SHOC2: variants seen among roughly 807,000 people sequenced by gnomAD.
SHOC2 encodes leucine-rich repeat protein SHOC-2.
Under a neutral mutation model 50.2 loss-of-function variants are expected in SHOC2, and 4 were observed. The observed-to-expected ratio is 0.08, with a 90% CI of 0.04 to 0.18. SHOC2 has a LOEUF of 0.18. SHOC2 is among the 10% of genes least tolerant of loss of function. The pLI is 1.00. For synonymous variants in SHOC2, 218 were observed against 244.5 expected, an observed-to-expected ratio of 0.89 and a Z score of 1.01; for missense variants, 388 against 669.6, an observed-to-expected ratio of 0.58 and a Z score of 4.64.
At chr10:110,919,431 C>T (rs1246518001), upstream of SHOC2, 3 of 393,588 alleles carry the variant, frequency 7.6e-6, no homozygotes, top group Admixed American at 4.4e-5. Context: ...TGGGCAGCTT[C>T]TCTTGCCCCG....
chr10:110,938,978 C>G (rs1206309845), intron 1 of SHOC2, among the ~76,000 whole-genome samples: 1 of 152,094 alleles, frequency 6.6e-6, no homozygotes, highest in African/African-American at 2.4e-5. Context: ...CATTGATTTT[C>G]CAGACTAAAA....
intron 1 of SHOC2, among the ~76,000 whole-genome samples, chr10:110,928,852 G>T (rs1487724035): frequency 6.6e-6 from 1 of 151,998 alleles, no homozygotes; most frequent in African/African-American, 2.4e-5. Flanking sequence ...CCTAGATCTT[G>T]CCACTGTACT....
At chr10:110,928,240 C>T (rs372388009) in intron 1 of SHOC2, among the ~76,000 whole-genome samples, 2 of 152,000 alleles carry the variant, frequency 1.3e-5, no homozygotes, top group African/African-American at 4.8e-5. Flanking sequence ...TCGCTTGAAC[C>T]TGAGGGGCAG....
At chr10:110,941,587 C>T (rs868279763) in intron 1 of SHOC2, among the ~76,000 whole-genome samples, 35 of 152,302 alleles carry the variant, frequency 2.3e-4, no homozygotes, top group Middle Eastern at 3.4e-3. Flanking sequence ...CTGCCTCAGC[C>T]TCCCAAAGTG....
At position 110,963,243 on chromosome 10, in the gene SHOC2, T is replaced by G. The variant is rs79916981; in HGVS notation, c.-234-882T>G. Among the ~76,000 whole-genome samples, 35 of 152,338 alleles carry G rather than the reference T, an allele frequency of 2.3e-4. 1 individual carries two copies. Among genetic ancestry groups the G allele is most frequent in the African/African-American group, 7.7e-4 (32 of 41,592 alleles). ...TCCTTCCATAAATATTTTACTAATC[T>G]TTTTGTCCTTTGCCAATCTTTTCGG... On this transcript the variant is annotated intron_variant, in intron 1 of 8. Coordinates refer to ENST00000369452, the MANE Select transcript of SHOC2 (RefSeq NM_007373.4).
At chr10:110,926,639 A>G (rs1367573212) in intron 1 of SHOC2, among the ~76,000 whole-genome samples, 2 of 152,248 alleles carry the variant, frequency 1.3e-5, no homozygotes, top group Admixed American at 6.5e-5. Flanking sequence ...ACATGCGTAG[A>G]ATCTTTCAAG....
In SHOC2 at chr10:111,011,584, AAAAAATT is replaced by A; in HGVS notation, c.1541-25_1541-19del. The A allele has an allele frequency of 6.3e-7, 1 of 1,583,504 alleles. No homozygotes were observed. Among genetic ancestry groups the A allele is most frequent in the Non-Finnish European group, 8.7e-7 (1 of 1,154,220 alleles). On this transcript the variant is annotated intron_variant, in intron 8 of 8. Coordinates refer to ENST00000369452, the MANE Select transcript of SHOC2 (RefSeq NM_007373.4). ...TTTAAAATAGCAACTAATTTTTAAA[AAAAAATT>A]GATTTTTTTTTTAAACAGGTACACT...
At position 111,013,141 on chromosome 10, in the gene SHOC2, C is replaced by T. The variant is rs371721188; in HGVS notation, c.*1323C>T. ...TAAGATGTGCATGTACTATTTGATGCGTTTTCTTTGCTTCACTGCTTTTAA... is the reference window on the plus strand; with the variant it reads ...TAAGATGTGCATGTACTATTTGATGTGTTTTCTTTGCTTCACTGCTTTTAA... On this transcript the variant is annotated 3_prime_UTR_variant, in exon 9 of 9. Coordinates refer to ENST00000369452, the MANE Select transcript of SHOC2 (RefSeq NM_007373.4). 490 of 152,316 alleles carry T rather than the reference C, an allele frequency of 3.2e-3. 26 individuals are homozygous for T. The South Asian group carries it at 0.093, about 29-fold the overall frequency. 9.4% of individuals were successfully genotyped at this position (152,316 alleles called of 1,614,324 possible).
In SHOC2 at chr10:111,012,434, A is replaced by G. The variant is rs1194401816; in HGVS notation, c.*616A>G. ...AACAGTGAAAGGTATTTGCTTGTTG[A>G]AAAAAAAAACTGGCAAAGTGAAAAG... On this transcript the variant is annotated 3_prime_UTR_variant, in exon 9 of 9. Coordinates refer to ENST00000369452, the MANE Select transcript of SHOC2 (RefSeq NM_007373.4). 6.7e-6 allele frequency: 1 copy of G among 149,196 alleles called. No individual in the cohort carries two copies. The highest frequency in any genetic ancestry group is 2.5e-5 in the African/African-American group (1 of 40,728). 9.2% of individuals were successfully genotyped at this position (149,196 alleles called of 1,614,324 possible). A position where few individuals can be genotyped will look rare whatever the true frequency, so the allele number is the denominator to read the frequency against.
intron 1 of SHOC2, among the ~76,000 whole-genome samples, chr10:110,922,598 A>G (rs1032622215): frequency 7.9e-5 from 12 of 152,096 alleles, no homozygotes; most frequent in African/African-American, 2.7e-4. Flanking sequence ...AATTTGGTTT[A>G]CTATATGATT....
In SHOC2 at chr10:110,957,435, A is replaced by G. The variant is rs554200335; in HGVS notation, c.-234-6690A>G. ...TTATACCGACTCTTTGACTTAACAT[A>G]GTTTTTTACCTGGTGTGTATAATGC... On this transcript the variant is annotated intron_variant, in intron 1 of 8. Coordinates refer to ENST00000369452, the MANE Select transcript of SHOC2 (RefSeq NM_007373.4). 2.0e-5 allele frequency among the ~76,000 whole-genome samples: 3 copies of G among 151,974 alleles called. No homozygotes were observed. The South Asian group carries it at 6.2e-4, about 32-fold the overall frequency.
intron 1 of SHOC2, among the ~76,000 whole-genome samples, chr10:110,962,784 C>T (rs1264965120): frequency 6.6e-6 from 1 of 152,176 alleles, no homozygotes; most frequent in Non-Finnish European, 1.5e-5. Context: ...TGAACACAAC[C>T]CATTAATCCA....
rs1483103637 is a variant in SHOC2 at position 111,013,354 on chromosome 10, T to C, written c.*1536T>C. ...GGGCGTTGTGTTTTACACAAAACCA[T>C]TTTTGAATTAAGGCTATGATATTAA... is the stretch of plus-strand genomic sequence containing the variant. On this transcript the variant is annotated 3_prime_UTR_variant, in exon 9 of 9. Transcript: ENST00000369452. 1 of 152,034 alleles carries C rather than the reference T, an allele frequency of 6.6e-6. No individual in the cohort carries two copies. Among genetic ancestry groups the C allele is most frequent in the Non-Finnish European group, 1.5e-5 (1 of 67,978 alleles). 9.4% of individuals were successfully genotyped at this position (152,034 alleles called of 1,614,324 possible).
At chr10:110,981,524 A>C (rs1847976103) in intron 2 of SHOC2, among the ~76,000 whole-genome samples, 1 of 152,204 alleles carries the variant, frequency 6.6e-6, no homozygotes, top group Non-Finnish European at 1.5e-5. Context: ...TGAGGACAGG[A>C]ACGATGACTT....
At chr10:110,919,393 G>A (rs1192181834), upstream of SHOC2, 2 of 391,478 alleles carry the variant, frequency 5.1e-6, no homozygotes, top group Non-Finnish European at 9.0e-6. Context: ...CGGAGAGAGA[G>A]AAGCTGGCGG....
intron 6 of SHOC2, 116 bp from the exon 7 acceptor site, chr10:111,009,131 AC>A (rs34874249): frequency 3.3e-6 from 2 of 600,024 alleles, no homozygotes; most frequent in African/African-American, 1.9e-5. Context: ...ATTGAACATC[AC>A]CCTTAATATT....
intron 3 of SHOC2, among the ~76,000 whole-genome samples, chr10:110,989,979 G>A (rs1300402334): frequency 6.6e-6 from 1 of 152,088 alleles, no homozygotes; most frequent in East Asian, 1.9e-4. Flanking sequence ...TGGTTAGTAT[G>A]AACAACAAAC....
At chr10:110,985,217 C>T (rs1483674960) in intron 2 of SHOC2, among the ~76,000 whole-genome samples, 1 of 152,086 alleles carries the variant, frequency 6.6e-6, no homozygotes, top group Non-Finnish European at 1.5e-5. Flanking sequence ...CAAGGTGTAT[C>T]TGATATTATT....
At chr10:110,924,080 T>C (rs1482370707) in intron 1 of SHOC2, among the ~76,000 whole-genome samples, 1 of 152,228 alleles carries the variant, frequency 6.6e-6, no homozygotes, top group Non-Finnish European at 1.5e-5. Flanking sequence ...CAGTACTTTC[T>C]CAGTCTTGCA....
Sources: gnomAD v4.1 joint callset for allele counts (sites outside exome capture counted in the v4.1 genomes callset) on GRCh38, gnomAD v4.1.1 for gene constraint, MANE v1.5 for transcripts, NCBI Gene and HGNC (gene_info 2026-07-23, HGNC 2026-07-21) for gene names.